FBXL18: variants seen among roughly 807,000 people sequenced by gnomAD.
FBXL18 encodes F-box and leucine rich repeat protein 18, also known as F-box/LRR-repeat protein 18.
FBXL18 carries 36 observed loss-of-function variants against 46.0 expected under a neutral mutation model. That is an observed-to-expected ratio of 0.78 (90% CI 0.60 to 1.03). The LOEUF (loss-of-function observed/expected upper bound fraction) is 1.03. FBXL18 is among the 50% of genes least tolerant of loss of function. The pLI is 0.00. For synonymous variants in FBXL18, 557 were observed against 465.3 expected, an observed-to-expected ratio of 1.20 and a Z score of -2.54; for missense variants, 977 against 1,004.1, an observed-to-expected ratio of 0.97 and a Z score of 0.36.
rs577930707 is a variant in FBXL18 at position 5,490,080 on chromosome 7, G to A, written c.2000+1151C>T. ...TTCCTGAGACAGCCAGCGGCCGACC[G>A]CAAGGACAACAGACTACCCCAGAGT... On this transcript the variant is annotated intron_variant, in intron 4 of 4. Coordinates refer to ENST00000382368, the MANE Select transcript of FBXL18 (RefSeq NM_024963.6). 4.4e-5 allele frequency: 60 copies of A among 1,359,612 alleles called. 1 individual carries two copies. The highest frequency in any genetic ancestry group is 3.7e-4 in the African/African-American group (25 of 67,766). The allele number at this position is 1,359,612 out of a possible 1,614,324, so 84.2% of individuals were successfully genotyped here.
chr7:5,495,254 C>T lies in FBXL18; in HGVS notation c.1782-3805G>A, dbSNP rs571515969. Among the ~76,000 whole-genome samples the T allele has an allele frequency of 2.6e-4, 40 of 152,182 alleles. 1 individual carries two copies. The highest frequency in any genetic ancestry group is 7.2e-4 in the Admixed American group (11 of 15,286). On this transcript the variant is annotated intron_variant, in intron 3 of 4. Coordinates refer to ENST00000382368, the MANE Select transcript of FBXL18 (RefSeq NM_024963.6). ...GAGCTCACAGTGCGGGGGCTCCCAT[C>T]TGGCCACCCACTGCACGGGCCGTGA...
At chr7:5,482,478 A>G (rs948806221) in intron 4 of FBXL18, among the ~76,000 whole-genome samples, 23 of 152,222 alleles carry the variant, frequency 1.5e-4, no homozygotes, top group Middle Eastern at 6.8e-3. Flanking sequence ...ACCGCATGAC[A>G]AATGGCAGGT....
At chr7:5,512,391 G>A (rs1312058853) in intron 1 of FBXL18, among the ~76,000 whole-genome samples, 4 of 151,508 alleles carry the variant, frequency 2.6e-5, no homozygotes, top group Admixed American at 2.0e-4. Flanking sequence ...AAGGCGGGTG[G>A]ATCACCTGAG....
intron 3 of FBXL18, among the ~76,000 whole-genome samples, chr7:5,492,546 CCA>C (rs968479608): frequency 1.3e-5 from 2 of 151,964 alleles, no homozygotes; most frequent in East Asian, 1.9e-4. Context: ...CGACGCCCCC[CCA>C]CACACACACT....
chr7:5,482,425 G>A (rs924531168), intron 4 of FBXL18, among the ~76,000 whole-genome samples: 1 of 152,180 alleles, frequency 6.6e-6, no homozygotes, highest in Non-Finnish European at 1.5e-5. Context: ...GTCGCTGGGA[G>A]GAGCAGATAC....
At chr7:5,472,893 A>G (rs1783448741), downstream of FBXL18, among the ~76,000 whole-genome samples, 1 of 152,108 alleles carries the variant, frequency 6.6e-6, no homozygotes, top group Non-Finnish European at 1.5e-5. Context: ...GTTTCTGGCT[A>G]TTGCTCAGCC....
chr7:5,513,247 G>C lies in FBXL18; in HGVS notation c.18+410C>G, dbSNP rs560309399. ...AGCAAGCAGGCTCCAGGGAGAAGTG[G>C]GCTGGGGCTGAAACTGAGCATCCAG... On this transcript the variant is annotated intron_variant, in intron 1 of 4. Coordinates refer to ENST00000382368, the MANE Select transcript of FBXL18 (RefSeq NM_024963.6). Among the ~76,000 whole-genome samples the C allele has an allele frequency of 2.6e-4, 40 of 152,238 alleles. No individual in the cohort carries two copies. In the East Asian group the frequency reaches 7.4e-3, roughly 28 times the overall value.
Position 5,502,029 on chromosome 7 carries a change from C to T in FBXL18, c.240G>A (p.Ala80=), listed in dbSNP as rs779596459. ...CCAGCTGCCTCACTTTGTCCTCGCT[C>T]GCCTGCGGGACAGAGGCAGGGTGGG... ...HTVLLQKDYQ[A]SEDKVRQLVK... Residue 80 remains alanine, a splice_region_variant and synonymous_variant, in exon 3 of 5, where the codon GCG becomes GCA. Transcript: ENST00000382368. 1.3e-6 allele frequency: 2 copies of T among 1,579,566 alleles called. No individual in the cohort carries two copies. Among genetic ancestry groups the T allele is most frequent in the Non-Finnish European group, 8.6e-7 (1 of 1,162,144 alleles).
intron 1 of FBXL18, among the ~76,000 whole-genome samples, chr7:5,509,122 G>C (rs552022243): frequency 6.6e-6 from 1 of 151,318 alleles, no homozygotes; most frequent in East Asian, 2.0e-4. Context: ...GAACCCGGGA[G>C]GTGAAGGTTG....
rs1415125158 is a variant in FBXL18 at position 5,491,280 on chromosome 7, C to T, written c.1951G>A (p.Gly651Arg). ...LQVVMCHLFT[G>R]ESLATCKSLQ... ...CTCTTGCAGGTGGCGAGGGACTCCCCGGTGAACAGGTGGCACATGACAACC... is the reference window on the plus strand; with the variant it reads ...CTCTTGCAGGTGGCGAGGGACTCCCTGGTGAACAGGTGGCACATGACAACC... The change falls in exon 4 of 5, where the codon GGG becomes AGG. Residue 651 changes from glycine to arginine, a missense_variant. Physicochemically the swap from Gly to Arg is moderately radical, Grantham distance 125. Coordinates refer to ENST00000382368, the MANE Select transcript of FBXL18 (RefSeq NM_024963.6). 10 of 1,613,080 alleles carry T rather than the reference C, an allele frequency of 6.2e-6. No individual in the cohort carries two copies. Among genetic ancestry groups the T allele is most frequent in the East Asian group, 2.2e-5 (1 of 44,846 alleles).
At chr7:5,486,091 AAATAAAT>A (rs1783768417) in intron 4 of FBXL18, among the ~76,000 whole-genome samples, 4 of 150,304 alleles carry the variant, frequency 2.7e-5, no homozygotes, top group Admixed American at 2.0e-4. Flanking sequence ...ATAAATAAAT[AAATAAAT>A]AAAAATTTAG....
rs1784255182 is a variant in FBXL18, at chr7:5,501,498, G to A, written c.771C>T (p.Arg257=). 7 of 1,613,838 alleles carry A rather than the reference G, an allele frequency of 4.3e-6. No individual in the cohort carries two copies. The East Asian group carries it at 1.3e-4, about 31-fold the overall frequency. The stretch of plus-strand genomic sequence containing the variant: ...GGAAGGCGTGGAGGTTCTGAGGAGT[G>A]CGGTCGCTAAGCACAGCCAGGTAGA... The part of the protein sequence containing the change: ...VRLYLAVLSD[R]TPQNLHAFLI... Residue 257 remains arginine, a synonymous_variant, in exon 3 of 5, where the codon CGC becomes CGT. Coordinates refer to ENST00000382368, the MANE Select transcript of FBXL18 (RefSeq NM_024963.6).
chr7:5,492,469 G>A (rs1219729353), intron 3 of FBXL18, among the ~76,000 whole-genome samples: 1 of 151,680 alleles, frequency 6.6e-6, no homozygotes, highest in Non-Finnish European at 1.5e-5. Context: ...AACTCCCGGG[G>A]TGGGGGGAGG....
At chr7:5,490,239 T>C in intron 4 of FBXL18, 9 of 1,310,204 alleles carry the variant, frequency 6.9e-6, no homozygotes, top group Non-Finnish European at 8.1e-6. Flanking sequence ...ACTCAGGGCG[T>C]TCATGTCCTG....
chr7:5,495,766 C>T (rs1783636785), intron 3 of FBXL18: 1 of 471,366 alleles, frequency 2.1e-6, no homozygotes. Context: ...CTGCTCCTTC[C>T]ACTGCAGCGT....
intron 4 of FBXL18, among the ~76,000 whole-genome samples, chr7:5,484,678 G>T (rs1279744379): frequency 7.0e-6 from 1 of 141,970 alleles, no homozygotes; most frequent in Non-Finnish European, 1.5e-5. Flanking sequence ...TTACTCTGTC[G>T]CCCCGGCTGG....
chr7:5,488,590 AAG>A (rs1426058245), intron 4 of FBXL18, among the ~76,000 whole-genome samples: 1 of 152,176 alleles, frequency 6.6e-6, no homozygotes, highest in Admixed American at 6.5e-5. Context: ...CAGGCAACAG[AAG>A]AGAGGCAACG....
chr7:5,470,497 C>T (rs1173967288), intron 4 of FBXL18, among the ~76,000 whole-genome samples: 1 of 152,180 alleles, frequency 6.6e-6, no homozygotes, highest in Non-Finnish European at 1.5e-5. Flanking sequence ...CTGGGAAACC[C>T]GCAGTTCTGA....
chr7:5,513,576 G>A, intron 1 of FBXL18, 81 bp downstream of exon 1: 1 of 1,524,622 alleles, frequency 6.6e-7, no homozygotes, highest in Non-Finnish European at 9.0e-7. Context: ...GGATGCAAGG[G>A]AACCCGGGTC....
Sources: gnomAD v4.1 joint callset for allele counts (sites outside exome capture counted in the v4.1 genomes callset) on GRCh38, gnomAD v4.1.1 for gene constraint, MANE v1.5 for transcripts, NCBI Gene and HGNC (gene_info 2026-07-23, HGNC 2026-07-21) for gene names.